Variants in CIITA observed in about 807,000 individuals in gnomAD.
CIITA encodes MHC class II transactivator.
In CIITA, 72 loss-of-function variants were observed where a neutral mutation model predicts 115.1. The ratio of observed to expected loss-of-function variants is 0.63; its 90% CI spans 0.52 to 0.76. CIITA has a LOEUF of 0.76. CIITA is among the 30% of genes least tolerant of loss of function. CIITA has a pLI of 0.00. For missense variants in CIITA, 1,617 were observed against 1,463.8 expected, an observed-to-expected ratio of 1.10 and a Z score of -1.71; for synonymous variants, 763 against 635.6, an observed-to-expected ratio of 1.20 and a Z score of -3.02.
At position 10,941,626 on chromosome 16, in the gene CIITA, C is replaced by A; in HGVS notation, n.752C>A. The A allele has an allele frequency of 6.6e-7, 1 of 1,518,552 alleles. No homozygotes were observed. The highest frequency in any genetic ancestry group is 8.8e-7 in the Non-Finnish European group (1 of 1,134,236). 94.1% of individuals were successfully genotyped at this position (1,518,552 alleles called of 1,614,324 possible). A position where few individuals can be genotyped will look rare whatever the true frequency, so the allele number is the denominator to read the frequency against. On this transcript the variant is annotated non_coding_transcript_exon_variant, in exon 2 of 2. Transcript: ENST00000573379. This position sits in a 1 kb window ranked among gnomAD's most constrained non-coding sequence, Gnocchi z 6.4. ...GGGAACCATCCCCGTCCAGATGGTG[C>A]CCCCAACCAGCTGCGGCGGCATGAT...
intron 13 of CIITA, among the ~76,000 whole-genome samples, chr16:10,914,805 C>G (rs1596586037): frequency 1.3e-5 from 2 of 152,206 alleles, no homozygotes; most frequent in South Asian, 2.1e-4. Context: ...CTAGCATGCC[C>G]CTGGCTTATA....
At position 10,918,910 on chromosome 16, in the gene CIITA, G is replaced by A. The variant is rs184154382; in HGVS notation, c.3149+384G>A. On this transcript the variant is annotated intron_variant, in intron 16 of 19. Transcript: ENST00000324288. ...CTTTTGCCGGCCTTGTCACTTACATGCCGGTCAGTGTTTCACTGCCACCTT... is the reference window on the plus strand; with the variant it reads ...CTTTTGCCGGCCTTGTCACTTACATACCGGTCAGTGTTTCACTGCCACCTT... Among the ~76,000 whole-genome samples the A allele has an allele frequency of 4.1e-3, 629 of 152,286 alleles. 3 individuals are homozygous for A. The highest frequency in any genetic ancestry group is 5.6e-3 in the Non-Finnish European group (379 of 68,020).
chr16:10,898,765 C>T (rs754410416), intron 4 of CIITA, 33 bp downstream of exon 4: 34 of 1,611,066 alleles, frequency 2.1e-5, no homozygotes, highest in Non-Finnish European at 2.8e-5. Flanking sequence ...GGTCTTGGCT[C>T]AGCCTGCATT....
intron 13 of CIITA, among the ~76,000 whole-genome samples, chr16:10,911,964 G>C (rs1055876622): frequency 1.3e-5 from 2 of 152,178 alleles, no homozygotes. Context: ...CTGAGAACAA[G>C]AGACTTTAAA....
chr16:10,870,162 C>T (rs1207826356), intron 1 of CIITA, among the ~76,000 whole-genome samples: 2 of 97,680 alleles, frequency 2.0e-5, no homozygotes, highest in African/African-American at 8.5e-5. Flanking sequence ...AATTGCAGTA[C>T]TTCCTGCAAA....
chr16:10,891,097 A>C (rs890718685), intron 1 of CIITA, among the ~76,000 whole-genome samples: 3 of 152,178 alleles, frequency 2.0e-5, no homozygotes, highest in African/African-American at 7.2e-5. Flanking sequence ...AGCAGAGCTC[A>C]TCAATAAGTG....
At chr16:10,878,099 C>T (rs2036019162) in intron 1 of CIITA, among the ~76,000 whole-genome samples, 1 of 152,164 alleles carries the variant, frequency 6.6e-6, no homozygotes, top group Non-Finnish European at 1.5e-5. Flanking sequence ...GGACCTAGCA[C>T]AGTGTCCAAT....
chr16:10,887,496 C>CT (rs35292035), intron 1 of CIITA, among the ~76,000 whole-genome samples: 140 of 144,492 alleles, frequency 9.7e-4, no homozygotes, highest in Admixed American at 1.2e-3. Context: ...CCTTCTCAAG[C>CT]TTTTTTTTTT....
Position 10,941,995 on chromosome 16 carries a change from G to C in CIITA, n.1121G>C, listed in dbSNP as rs774756243. Reference sequence around the variant, plus strand: ...TGCGTCCAGGTGGGCCGCGACCCGGGCGCCGAGCATGCAGCGGGTGGCAAG... The same window carrying C: ...TGCGTCCAGGTGGGCCGCGACCCGGCCGCCGAGCATGCAGCGGGTGGCAAG... On this transcript the variant is annotated non_coding_transcript_exon_variant, in exon 2 of 2. Transcript: ENST00000573379. The surrounding 1 kb of genome is among the most constrained non-coding windows in gnomAD (Gnocchi z 6.4). 3.4e-6 allele frequency: 5 copies of C among 1,470,886 alleles called. No individual in the cohort carries two copies. The African/African-American group carries it at 7.3e-5, about 21-fold the overall frequency. 91.1% of individuals were successfully genotyped at this position (1,470,886 alleles called of 1,614,324 possible). A position where few individuals can be genotyped will look rare whatever the true frequency, so the allele number is the denominator to read the frequency against.
intron 13 of CIITA, among the ~76,000 whole-genome samples, chr16:10,912,326 C>A (rs2039639151): frequency 1.3e-5 from 2 of 152,184 alleles, no homozygotes; most frequent in Admixed American, 6.5e-5. Flanking sequence ...GTTGGCCAGG[C>A]TGGTCTTGAA....
chr16:10,936,630 C>T (rs557575106), downstream of CIITA: 1 of 152,240 alleles, frequency 6.6e-6, no homozygotes, highest in East Asian at 1.9e-4. Flanking sequence ...GTTTTTAATT[C>T]AGGAAAAAGT....
In CIITA at chr16:10,904,712, C is replaced by A. The variant is rs774440362; in HGVS notation, c.938-32C>A. 5 of 1,613,754 alleles carry A rather than the reference C, an allele frequency of 3.1e-6. No individual in the cohort carries two copies. The Admixed American group carries it at 8.3e-5, about 27-fold the overall frequency. On this transcript the variant is annotated intron_variant, in intron 9 of 19. Coordinates refer to ENST00000324288, the MANE Select transcript of CIITA (RefSeq NM_000246.4). The stretch of plus-strand genomic sequence containing the variant: ...GGGGGTCCCCAGGGGTAACCCTCAC[C>A]CTAAATCTGGCACCTGCTTCTCCAT...
At chr16:10,908,997 C>G in intron 11 of CIITA, 32 bp from the exon 12 acceptor site, 1 of 1,613,880 alleles carries the variant, frequency 6.2e-7, no homozygotes, top group Non-Finnish European at 8.5e-7. Context: ...AGCCTGGTCA[C>G]CGTGCCTGGG....
intron 1 of CIITA, chr16:10,866,709 C>T: frequency 5.3e-6 from 2 of 377,094 alleles, no homozygotes; most frequent in South Asian, 4.1e-5. Context: ...CTGGCAGGAG[C>T]AGTGAAAACT....
chr16:10,937,842 C>T (rs1421229114), downstream of CIITA: 1 of 152,192 alleles, frequency 6.6e-6, no homozygotes, highest in Non-Finnish European at 1.5e-5. This position sits in a 1 kb window ranked among gnomAD's most constrained non-coding sequence, Gnocchi z 4.2. Context: ...ACAGAGCCGG[C>T]TATCCAGGGT....
chr16:10,896,506 T>C (rs1034584153), intron 3 of CIITA, among the ~76,000 whole-genome samples: 1 of 152,224 alleles, frequency 6.6e-6, no homozygotes, highest in Non-Finnish European at 1.5e-5. Flanking sequence ...GTGTTGCTGC[T>C]AGTGGTTTGT....
In CIITA at chr16:10,901,961, T is replaced by G; in HGVS notation, c.482-77T>G. On this transcript the variant is annotated intron_variant, in intron 6 of 19. Coordinates refer to ENST00000324288, the MANE Select transcript of CIITA (RefSeq NM_000246.4). This position sits in a 1 kb window ranked among gnomAD's most constrained non-coding sequence, Gnocchi z 6.8. Reference sequence around the variant, plus strand: ...TTTCCTCTGTCAGGAGAGACATCCATGCCACTCCAGGGCCCTCCCCATCCC... The same window carrying G: ...TTTCCTCTGTCAGGAGAGACATCCAGGCCACTCCAGGGCCCTCCCCATCCC... The G allele has an allele frequency of 6.3e-7, 1 of 1,578,686 alleles. No individual in the cohort carries two copies. The highest frequency in any genetic ancestry group is 8.7e-7 in the Non-Finnish European group (1 of 1,153,282).
Position 10,924,849 on chromosome 16 carries a change from T to C in CIITA, c.*994T>C, listed in dbSNP as rs2040466400. The C allele has an allele frequency of 6.6e-6, 1 of 152,230 alleles. No homozygotes were observed. The highest frequency in any genetic ancestry group is 2.4e-5 in the African/African-American group (1 of 41,460). The allele number at this position is 152,230 out of a possible 1,614,324, so 9.4% of individuals were successfully genotyped here. A position where few individuals can be genotyped will look rare whatever the true frequency, so the allele number is the denominator to read the frequency against. On this transcript the variant is annotated 3_prime_UTR_variant, in exon 20 of 20. Transcript: ENST00000324288. ...GTCTTTTTTCACTACATTATAAATG[T>C]CTCTTTAATGTCACAGGCAGGTCCA...
chr16:10,909,294 G>C, intron 12 of CIITA, 107 bp downstream of exon 12: 2 of 1,191,452 alleles, frequency 1.7e-6, no homozygotes, highest in Non-Finnish European at 2.5e-6. Flanking sequence ...CTGTCCTCTG[G>C]GACACCCCAT....
Sources: gnomAD v4.1 joint callset for allele counts (sites outside exome capture counted in the v4.1 genomes callset) on GRCh38, gnomAD v4.1.1 for gene constraint, Gnocchi (gnomAD v3.1) non-coding constraint, MANE v1.5 for transcripts, NCBI Gene and HGNC (gene_info 2026-07-23, HGNC 2026-07-21) for gene names.